Variants in MYO1B observed in about 807,000 individuals in gnomAD.
MYO1B encodes myosin IB.
A neutral mutation model predicts 159.7 loss-of-function variants in MYO1B; 72 were observed. That is an observed-to-expected ratio of 0.45 (90% confidence interval 0.37 to 0.55). The LOEUF (loss-of-function observed/expected upper bound fraction) is 0.55. MYO1B is among the 20% of genes least tolerant of loss of function. The pLI, the probability that MYO1B is intolerant of heterozygous loss-of-function variation, is 0.00. For synonymous variants in MYO1B, 468 were observed against 473.8 expected (o/e 0.99, Z 0.16); for missense variants, 1,062 against 1,364.8 (o/e 0.78, Z 3.50).
intron 2 of MYO1B, among the ~76,000 whole-genome samples, chr2:191,290,413 G>A (rs988391089): frequency 6.6e-6 from 1 of 152,150 alleles, no homozygotes; most frequent in East Asian, 1.9e-4. Flanking sequence ...AAAGGTTAAG[G>A]AGTGCTGTGT....
At chr2:191,317,029 CCTT>C (rs1690395943) in intron 3 of MYO1B, among the ~76,000 whole-genome samples, 1 of 152,112 alleles carries the variant, frequency 6.6e-6, no homozygotes, top group Non-Finnish European at 1.5e-5. Flanking sequence ...TGAAAGTAAT[CCTT>C]CTTTGGAGGA....
In MYO1B at chr2:191,363,742, T is replaced by C. The variant is rs774419911; in HGVS notation, c.780T>C (p.Ile260=). Residue 260 remains isoleucine (I), a synonymous_variant, in exon 10 of 31, where the codon ATT becomes ATC. Transcript: ENST00000392318. The part of the protein sequence containing the change: ...NFRTVRNAMQ[I]VGFMDHEAES... ...TCTCTCCCCAGAATGCCATGCAGAT[T>C]GTGGGCTTTATGGATCATGAAGCTG... is the stretch of plus-strand genomic sequence containing the variant. The C allele has an allele frequency of 6.2e-7, 1 of 1,611,556 alleles. No homozygotes were observed. Among genetic ancestry groups the C allele is most frequent in the Non-Finnish European group, 8.5e-7 (1 of 1,179,318 alleles).
intron 24 of MYO1B, 176 bp from the exon 25 acceptor site, chr2:191,407,939 C>A (rs1454229873): frequency 4.8e-6 from 2 of 419,052 alleles, no homozygotes; most frequent in Non-Finnish European, 8.4e-6. Context: ...TTCTTAATTT[C>A]TTTCTCTCTG....
intron 29 of MYO1B, among the ~76,000 whole-genome samples, chr2:191,415,212 G>C (rs888923771): frequency 6.6e-6 from 1 of 152,220 alleles, no homozygotes; most frequent in African/African-American, 2.4e-5. Context: ...GATAGTAAGA[G>C]TGCCTACTTC....
In MYO1B at chr2:191,331,773, TAAGTG is replaced by T. The variant is rs539932479; in HGVS notation, c.346+1745_346+1749del. ...ATACATCCAAATTACATGCAAAACA[TAAGTG>T]GAGTGAAGGAAAATCACATGGTGCT... On this transcript the variant is annotated intron_variant, in intron 4 of 30. Coordinates refer to ENST00000392318, the MANE Select transcript of MYO1B (RefSeq NM_001130158.3). Among the ~76,000 whole-genome samples, 7 of 152,226 alleles carry T rather than the reference TAAGTG, an allele frequency of 4.6e-5. No homozygotes were observed. The South Asian group carries it at 1.2e-3, about 27-fold the overall frequency.
chr2:191,262,363 C>G (rs1686869149), intron 1 of MYO1B, among the ~76,000 whole-genome samples: 1 of 152,162 alleles, frequency 6.6e-6, no homozygotes, highest in Non-Finnish European at 1.5e-5. Context: ...AGTCCTCCTC[C>G]CTGCATTTAG....
In MYO1B at chr2:191,366,604, TCAAGA is replaced by T. The variant is rs10571757; in HGVS notation, c.1032+2334_1032+2338del. ...GGACTAATACTGAAATAATAGAAAC[TCAAGA>T]CAAGAGTTTTTCAGCTTCTCCGACA... On this transcript the variant is annotated intron_variant, in intron 11 of 30. Transcript: ENST00000392318. 3.8e-3 allele frequency among the ~76,000 whole-genome samples: 585 copies of T among 152,178 alleles called. 2 individuals are homozygous for T. The highest frequency in any genetic ancestry group is 0.014 in the African/African-American group (562 of 41,510).
chr2:191,312,123 A>G (rs562865988), intron 3 of MYO1B, among the ~76,000 whole-genome samples: 1 of 152,348 alleles, frequency 6.6e-6, no homozygotes, highest in South Asian at 2.1e-4. Context: ...TTACAAATAT[A>G]TTGCATTGAT....
At chr2:191,315,618 G>T (rs1318942758) in intron 3 of MYO1B, among the ~76,000 whole-genome samples, 1 of 152,176 alleles carries the variant, frequency 6.6e-6, no homozygotes, top group Non-Finnish European at 1.5e-5. Flanking sequence ...AAAGTGCATT[G>T]CTCAAAAGAA....
At chr2:191,296,417 G>A (rs555942915) in intron 3 of MYO1B, among the ~76,000 whole-genome samples, 191 bp downstream of exon 3, 4 of 152,036 alleles carry the variant, frequency 2.6e-5, no homozygotes, top group Middle Eastern at 3.4e-3. Flanking sequence ...TTCATTTGAC[G>A]TCAGACTTTT....
chr2:191,355,203 G>A (rs1450543617), intron 7 of MYO1B, among the ~76,000 whole-genome samples: 1 of 152,212 alleles, frequency 6.6e-6, no homozygotes, highest in East Asian at 1.9e-4. Context: ...GGACATCTTA[G>A]CCCAGACGGC....
chr2:191,417,443 T>G lies in MYO1B; in HGVS notation c.3287+1201T>G, dbSNP rs73057309. 9.3e-3 allele frequency among the ~76,000 whole-genome samples: 1,417 copies of G among 152,298 alleles called. 25 individuals are homozygous for G. The highest frequency in any genetic ancestry group is 0.032 in the African/African-American group (1,350 of 41,554). On this transcript the variant is annotated intron_variant, in intron 30 of 30. Coordinates refer to ENST00000392318, the MANE Select transcript of MYO1B (RefSeq NM_001130158.3). ...CTATTAGAGCTTTAAAATCCCTTTA[T>G]AATAGTTGAAGTTTTTCATAATCTG... is the stretch of plus-strand genomic sequence containing the variant.
At chr2:191,303,164 A>G (rs1323583813) in intron 3 of MYO1B, among the ~76,000 whole-genome samples, 5 of 152,132 alleles carry the variant, frequency 3.3e-5, no homozygotes, top group African/African-American at 1.2e-4. Flanking sequence ...AGACTCACAC[A>G]TTATTTCTTT....
chr2:191,362,407 A>G (rs1293491480), intron 9 of MYO1B, 36 bp downstream of exon 9: 1 of 1,482,764 alleles, frequency 6.7e-7, no homozygotes, highest in Non-Finnish European at 9.4e-7. Context: ...TTTAAATTGC[A>G]TACCACTGCA....
chr2:191,363,831 C>G lies in MYO1B; in HGVS notation c.869C>G (p.Ser290Cys). The G allele has an allele frequency of 6.2e-7, 1 of 1,613,744 alleles. No individual in the cohort carries two copies. Among genetic ancestry groups the G allele is most frequent in the South Asian group, 1.1e-5 (1 of 91,064 alleles). The change falls in exon 10 of 31, where the codon TCT becomes TGT. Residue 290 changes from serine (S) to cysteine (C), a missense_variant. Ser to Cys is a moderately radical substitution (Grantham distance 112). Transcript: ENST00000392318. ...GGGAACATTGAGTTCAAGCCCGAAT[C>G]TCGAGTGAATGGTCTAGATGAAAGC... ...KLGNIEFKPE[S>C]RVNGLDESKI...
chr2:191,375,498 T>TAGATAGATAGATAGAC (rs1553556411), intron 13 of MYO1B, among the ~76,000 whole-genome samples: 1 of 151,898 alleles, frequency 6.6e-6, no homozygotes, highest in East Asian at 1.9e-4. Flanking sequence ...GATAGATAGA[T>TAGATAGATAGATAGAC]AGATAGATAG....
chr2:191,265,400 A>T (rs376701721), intron 1 of MYO1B, among the ~76,000 whole-genome samples: 8 of 152,160 alleles, frequency 5.3e-5, no homozygotes, highest in African/African-American at 1.7e-4. Flanking sequence ...ATCAGGCATA[A>T]AGAGAACAGA....
At chr2:191,267,298 A>G (rs148030145) in intron 1 of MYO1B, among the ~76,000 whole-genome samples, 70 of 152,262 alleles carry the variant, frequency 4.6e-4, no homozygotes, top group Non-Finnish European at 9.0e-4. Context: ...TGTCCTTTGT[A>G]TTAGCCAGAA....
intron 4 of MYO1B, among the ~76,000 whole-genome samples, chr2:191,333,537 T>C (rs1691628433): frequency 6.6e-6 from 1 of 152,166 alleles, no homozygotes; most frequent in African/African-American, 2.4e-5. Context: ...GGCTCTCTCT[T>C]CCTTTTCTTT....
Sources: gnomAD v4.1 joint callset for allele counts (sites outside exome capture counted in the v4.1 genomes callset) on GRCh38, gnomAD v4.1.1 for gene constraint, MANE v1.5 for transcripts, NCBI Gene and HGNC (gene_info 2026-07-23, HGNC 2026-07-21) for gene names.